Variants in WDR26 observed in about 807,000 individuals in gnomAD.
WDR26 encodes the protein WD repeat-containing protein 26.
WDR26 carries 5 observed loss-of-function variants against 84.1 expected under a neutral mutation model. That is an observed-to-expected ratio of 0.06 (90% CI 0.03 to 0.13). The LOEUF is 0.13. Among genes scored for constraint, WDR26 ranks in the 10% least tolerant of loss-of-function variants. The pLI is 1.00. For missense variants in WDR26, 642 were observed against 974.9 expected (o/e 0.66, Z 4.55); for synonymous variants, 415 against 389.6 (o/e 1.07, Z -0.77).
At chr1:224,399,577 C>A (rs1353993261) in intron 9 of WDR26, among the ~76,000 whole-genome samples, 2 of 152,144 alleles carry the variant, frequency 1.3e-5, no homozygotes, top group African/African-American at 4.8e-5. Context: ...AGAGGAACAA[C>A]CCTTCCCATT....
intron 6 of WDR26, among the ~76,000 whole-genome samples, chr1:224,418,023 CA>C (rs952384482): frequency 2.6e-5 from 4 of 152,068 alleles, no homozygotes; most frequent in African/African-American, 9.7e-5. Context: ...AACAAGTAAC[CA>C]AACCTATAGA....
intron 6 of WDR26, among the ~76,000 whole-genome samples, chr1:224,416,085 A>C (rs1673894687): frequency 6.6e-6 from 1 of 152,194 alleles, no homozygotes; most frequent in African/African-American, 2.4e-5. Context: ...TCTAAAGTGG[A>C]GGGGGAGAGA....
At chr1:224,419,773 T>C (rs187999363) in intron 4 of WDR26, among the ~76,000 whole-genome samples, 158 bp from the exon 5 acceptor site, 1 of 152,212 alleles carries the variant, frequency 6.6e-6, no homozygotes, top group Non-Finnish European at 1.5e-5. Flanking sequence ...GGCACCTGCA[T>C]ATAATTACTA....
intron 7 of WDR26, among the ~76,000 whole-genome samples, chr1:224,407,151 A>AAAAAATAAATATATATAT: frequency 8.4e-5 from 1 of 11,868 alleles, no homozygotes. Flanking sequence ...AAAAAAAAAA[A>AAAAAATAAATATATATAT]ATATATATAT....
chr1:224,410,697 T>TC (rs1227577906), intron 7 of WDR26, among the ~76,000 whole-genome samples: 4 of 145,232 alleles, frequency 2.8e-5, no homozygotes, highest in South Asian at 2.2e-4. Context: ...TTTCTTTCTT[T>TC]TTTTTTTTTT....
Position 224,433,857 on chromosome 1 carries a change from CCCG to C in WDR26, c.546_548del (p.Gly183del). 6.5e-7 allele frequency: 1 copy of C among 1,536,926 alleles called. No individual in the cohort carries two copies. The highest frequency in any genetic ancestry group is 1.2e-5 in the South Asian group (1 of 84,060). On this transcript the variant is annotated inframe_deletion, in exon 1 of 14. Transcript: ENST00000414423. ...CGGTGGCTGAGGATGCGGCGGCCGC[CCCG>C]CCGGGAACCCCGTTATTGACATTCA...
chr1:224,431,347 C>A (rs1674388299), intron 3 of WDR26, 130 bp downstream of exon 3: 2 of 719,316 alleles, frequency 2.8e-6, no homozygotes, highest in East Asian at 2.7e-5. Context: ...TATACTCATC[C>A]TAGTTTACAA....
intron 7 of WDR26, among the ~76,000 whole-genome samples, chr1:224,405,086 C>T (rs1673515843): frequency 1.3e-5 from 2 of 152,100 alleles, no homozygotes; most frequent in Admixed American, 1.3e-4. Flanking sequence ...CAGCAGCTGC[C>T]ATACCCCTCC....
At chr1:224,401,415 TC>T (rs940099573) in intron 8 of WDR26, among the ~76,000 whole-genome samples, 2 of 152,100 alleles carry the variant, frequency 1.3e-5, no homozygotes, top group African/African-American at 4.8e-5. Context: ...ACATACCTAT[TC>T]CTTCTGAGCT....
At chr1:224,398,379 A>G in intron 11 of WDR26, 136 bp downstream of exon 11, 1 of 1,248,190 alleles carries the variant, frequency 8.0e-7, no homozygotes, top group Non-Finnish European at 1.1e-6. Context: ...GATTATACAC[A>G]TTTAAGGATC....
rs530952358 is a variant in WDR26, at chr1:224,390,503, G to C, written c.2261-643C>G. 5.9e-5 allele frequency among the ~76,000 whole-genome samples: 9 copies of C among 152,326 alleles called. No individual in the cohort carries two copies. The South Asian group carries it at 1.9e-3, about 32-fold the overall frequency. Reference sequence around the variant, plus strand: ...TTATGATAGCTACAATAGTAAAGAGGAAAGAAAGATCTGGCAGTCTAAGGT... The same window carrying C: ...TTATGATAGCTACAATAGTAAAGAGCAAAGAAAGATCTGGCAGTCTAAGGT... On this transcript the variant is annotated intron_variant, in intron 13 of 13. Transcript: ENST00000414423.
chr1:224,411,495 A>C lies in WDR26; in HGVS notation c.1390T>G (p.Ser464Ala), dbSNP rs746547913. 4 of 1,613,584 alleles carry C rather than the reference A, an allele frequency of 2.5e-6. No individual in the cohort carries two copies. The South Asian group carries it at 4.4e-5, about 18-fold the overall frequency. ...GTTGCTAGTTTAGTGCCATCATTAGAGAATTTACAGAACCACACTTCATTA... is the reference window on the plus strand; with the variant it reads ...GTTGCTAGTTTAGTGCCATCATTAGCGAATTTACAGAACCACACTTCATTA... The change falls in exon 7 of 14, where the codon TCT (serine) becomes GCT (alanine). Residue 464 changes from serine (S) to alanine (A), a missense_variant. By Grantham distance (99) the Ser-to-Ala change is moderately conservative (BLOSUM62 1). This residue lies in a region of WDR26 where 351 missense variants were observed against 672.8 expected (regional missense o/e 0.52). Transcript: ENST00000414423.
At chr1:224,397,395 T>G (rs1468263374) in intron 12 of WDR26, among the ~76,000 whole-genome samples, 2 of 152,220 alleles carry the variant, frequency 1.3e-5, no homozygotes, top group Admixed American at 1.3e-4. Flanking sequence ...TGCCACTAGT[T>G]AAGTTCCTAT....
chr1:224,429,146 C>T (rs1674313911), intron 3 of WDR26, among the ~76,000 whole-genome samples: 1 of 151,686 alleles, frequency 6.6e-6, no homozygotes, highest in African/African-American at 2.4e-5. Flanking sequence ...CCTGTAGTCC[C>T]AGCTACTTCG....
chr1:224,414,159 G>C (rs898020105), intron 6 of WDR26, among the ~76,000 whole-genome samples: 7 of 145,932 alleles, frequency 4.8e-5, no homozygotes, highest in African/African-American at 1.5e-4. Flanking sequence ...AGGCTGGAAT[G>C]CAGTGGCACG....
At chr1:224,410,354 C>G (rs1673702596) in intron 7 of WDR26, among the ~76,000 whole-genome samples, 1 of 150,118 alleles carries the variant, frequency 6.7e-6, no homozygotes, top group Non-Finnish European at 1.5e-5. Flanking sequence ...GACTCCTAAA[C>G]CAAATATAGT....
Position 224,388,089 on chromosome 1 carries a change from A to G in WDR26, c.*1746T>C, listed in dbSNP as rs1167410529. 6.6e-6 allele frequency: 1 copy of G among 151,594 alleles called. No homozygotes were observed. Among genetic ancestry groups the G allele is most frequent in the Non-Finnish European group, 1.5e-5 (1 of 67,834 alleles). 9.4% of individuals were successfully genotyped at this position (151,594 alleles called of 1,614,324 possible). A position where few individuals can be genotyped will look rare whatever the true frequency, so the allele number is the denominator to read the frequency against. Reference sequence around the variant, plus strand: ...TTACTATGGGCTTCTGGGAGAATGCATGCTATTTTAAGGCCAAATGTGTTT... The same window carrying G: ...TTACTATGGGCTTCTGGGAGAATGCGTGCTATTTTAAGGCCAAATGTGTTT... On this transcript the variant is annotated 3_prime_UTR_variant, in exon 14 of 14. Transcript: ENST00000414423.
At chr1:224,417,043 C>A (rs1279024495) in intron 6 of WDR26, among the ~76,000 whole-genome samples, 1 of 152,002 alleles carries the variant, frequency 6.6e-6, no homozygotes, top group Non-Finnish European at 1.5e-5. Flanking sequence ...AAAGTAAGGC[C>A]AATATCTCAA....
At chr1:224,402,555 A>G (rs573549673) in intron 8 of WDR26, among the ~76,000 whole-genome samples, 7 of 152,354 alleles carry the variant, frequency 4.6e-5, no homozygotes, top group African/African-American at 7.2e-5. Flanking sequence ...TTAAGTATAT[A>G]AAGTACTACA....
Sources: allele counts gnomAD v4.1 joint callset (sites outside exome capture counted in the v4.1 genomes callset), GRCh38; gene constraint gnomAD v4.1.1; regional missense constraint gnomAD v4.1.1; transcripts MANE v1.5; gene names NCBI Gene and HGNC (gene_info 2026-07-23, HGNC 2026-07-21).